SOX5: variants seen among roughly 807,000 people sequenced by gnomAD.
SOX5 encodes the protein transcription factor SOX-5.
Under a neutral mutation model 92.0 loss-of-function variants are expected in SOX5, and 9 were observed. The ratio of observed to expected loss-of-function variants is 0.10; its 90% CI spans 0.06 to 0.17. SOX5 has a LOEUF of 0.17. Ranked by LOEUF, SOX5 falls within the 10% of genes least tolerant of loss-of-function variation. The pLI is 1.00. For missense variants in SOX5, 642 were observed against 944.5 expected (o/e 0.68, Z 4.20); for synonymous variants, 344 against 336.3 (o/e 1.02, Z -0.25).
chr12:23,615,957 G>A (rs1167177420), intron 8 of SOX5, among the ~76,000 whole-genome samples: 1 of 152,060 alleles, frequency 6.6e-6, no homozygotes, highest in African/African-American at 2.4e-5. Context: ...ACACCATAAT[G>A]GTGGAAAAAG....
intron 4 of SOX5, among the ~76,000 whole-genome samples, chr12:24,111,820 A>G (rs1313014250): frequency 6.6e-6 from 1 of 152,188 alleles, no homozygotes; most frequent in Non-Finnish European, 1.5e-5. Context: ...CACAACTTCA[A>G]TCATTACTCA....
intron 10 of SOX5, among the ~76,000 whole-genome samples, chr12:23,573,105 C>CTTTTCATATCTATACATGTCTTTTGCACT (rs1948614712): frequency 6.6e-6 from 1 of 152,122 alleles, no homozygotes; most frequent in Non-Finnish European, 1.5e-5. Flanking sequence ...CTTCCCATCA[C>CTTTTCATATCTATACATGTCTTTTGCACT]TTTTCATATC....
At chr12:23,970,479 C>T (rs1948096492) in intron 4 of SOX5, among the ~76,000 whole-genome samples, 1 of 152,018 alleles carries the variant, frequency 6.6e-6, no homozygotes, top group African/African-American at 2.4e-5. Context: ...CTGGTAACCT[C>T]ATATCTACTT....
chr12:24,187,079 G>A (rs961455730), intron 4 of SOX5, among the ~76,000 whole-genome samples: 2 of 152,142 alleles, frequency 1.3e-5, no homozygotes, highest in Admixed American at 1.3e-4. Context: ...AGGAGGGCAG[G>A]CCACTGAGAT....
chr12:24,420,871 G>A (rs1566120190), intron 1 of SOX5, among the ~76,000 whole-genome samples: 1 of 152,170 alleles, frequency 6.6e-6, no homozygotes, highest in Non-Finnish European at 1.5e-5. Flanking sequence ...CCAGCTGCCA[G>A]TCTTTCAGAA....
intron 2 of SOX5, among the ~76,000 whole-genome samples, chr12:24,313,115 A>ACT (rs1949352293): frequency 6.6e-6 from 1 of 152,220 alleles, no homozygotes; most frequent in Non-Finnish European, 1.5e-5. Flanking sequence ...GGGCTTTCTT[A>ACT]CTACTTTGAA....
rs2095538206 is a variant in SOX5 at position 23,795,018 on chromosome 12, A to G, written c.482-39294T>C. On this transcript the variant is annotated intron_variant, in intron 3 of 14. Transcript: ENST00000451604. ...AAGAAATTCTCCACAGTAAACTGGA[A>G]TAACATCCAGTGGCTACGGCTCTTG... is the stretch of plus-strand genomic sequence containing the variant. 2.0e-5 allele frequency among the ~76,000 whole-genome samples: 3 copies of G among 152,168 alleles called. No individual in the cohort carries two copies. In the South Asian group the frequency reaches 6.2e-4, roughly 31 times the overall value.
chr12:23,690,003 C>T (rs2088460325), intron 6 of SOX5, among the ~76,000 whole-genome samples: 1 of 152,164 alleles, frequency 6.6e-6, no homozygotes, highest in Admixed American at 6.6e-5. Flanking sequence ...AAACTGAGCC[C>T]TTTTCCATAT....
intron 3 of SOX5, among the ~76,000 whole-genome samples, chr12:24,234,641 G>A (rs1033547146): frequency 6.6e-6 from 1 of 152,272 alleles, no homozygotes; most frequent in African/African-American, 2.4e-5. Context: ...GCCTCCCAAA[G>A]TGCTGGAATT....
chr12:23,714,278 C>T (rs1033228470), intron 6 of SOX5, among the ~76,000 whole-genome samples: 1 of 152,122 alleles, frequency 6.6e-6, no homozygotes, highest in African/African-American at 2.4e-5. Context: ...TGGCAATAGA[C>T]TAATTTTAGA....
At chr12:24,364,013 T>C (rs572858748) in intron 2 of SOX5, among the ~76,000 whole-genome samples, 1 of 152,214 alleles carries the variant, frequency 6.6e-6, no homozygotes, top group Non-Finnish European at 1.5e-5. Flanking sequence ...GCAGGCATTT[T>C]TAGAAAACCT....
At chr12:24,385,051 T>C (rs1958240093) in intron 1 of SOX5, among the ~76,000 whole-genome samples, 1 of 152,222 alleles carries the variant, frequency 6.6e-6, no homozygotes, top group South Asian at 2.1e-4. Flanking sequence ...ACCACATTCA[T>C]ATAATTTTAT....
chr12:24,376,899 TG>T (rs1388053244), intron 1 of SOX5, among the ~76,000 whole-genome samples: 1 of 145,570 alleles, frequency 6.9e-6, no homozygotes, highest in Non-Finnish European at 1.5e-5. Context: ...TTTGTAGAGA[TG>T]GGGTTTTACC....
chr12:24,378,656 C>T (rs1175761574), intron 1 of SOX5, among the ~76,000 whole-genome samples: 3 of 152,218 alleles, frequency 2.0e-5, no homozygotes, highest in African/African-American at 4.8e-5. Flanking sequence ...CTTGCTGCAA[C>T]TTAGCAGATG....
chr12:24,224,065 G>A (rs1242050471), intron 3 of SOX5, among the ~76,000 whole-genome samples: 2 of 152,190 alleles, frequency 1.3e-5, no homozygotes, highest in Admixed American at 6.5e-5. Flanking sequence ...CACTGGCTTC[G>A]CATTGTTGTT....
At chr12:23,643,968 C>T (rs866864793) in intron 7 of SOX5, among the ~76,000 whole-genome samples, 1 of 152,096 alleles carries the variant, frequency 6.6e-6, no homozygotes, top group Non-Finnish European at 1.5e-5. Context: ...TGCAGACAGC[C>T]CCTAAGATAG....
chr12:24,212,466 C>T (rs904469311), intron 4 of SOX5: 1 of 534,110 alleles, frequency 1.9e-6, no homozygotes. Context: ...CTAAGACACA[C>T]TCCAGGGGAG....
At chr12:23,592,399 C>A (rs994640138) in intron 9 of SOX5, among the ~76,000 whole-genome samples, 2 of 152,106 alleles carry the variant, frequency 1.3e-5, no homozygotes, top group African/African-American at 2.4e-5. Context: ...TCAGCTAGTT[C>A]ACATTTGAAA....
intron 6 of SOX5, among the ~76,000 whole-genome samples, chr12:23,692,222 C>T (rs991522548): frequency 6.6e-6 from 1 of 151,852 alleles, no homozygotes; most frequent in Non-Finnish European, 1.5e-5. Flanking sequence ...CACCTGAGGT[C>T]AGGAGTTAGA....
Sources: gnomAD v4.1 joint callset for allele counts (sites outside exome capture counted in the v4.1 genomes callset) on GRCh38, gnomAD v4.1.1 for gene constraint, MANE v1.5 for transcripts, NCBI Gene and HGNC (gene_info 2026-07-23, HGNC 2026-07-21) for gene names.